Variants in NCALD observed in about 807,000 individuals in gnomAD.
NCALD encodes neurocalcin delta, also known as neurocalcin-delta.
A neutral mutation model predicts 18.6 loss-of-function variants in NCALD; 10 were observed. The ratio of observed to expected loss-of-function variants is 0.54; its 90% CI spans 0.33 to 0.91. The LOEUF (loss-of-function observed/expected upper bound fraction) is 0.91, where lower values mean the gene tolerates loss of function less well. Ranked by LOEUF, NCALD falls within the 40% of genes least tolerant of loss-of-function variation. The probability of loss-of-function intolerance (pLI) is 0.03; values close to 1 mark genes in which losing one functional copy is unlikely to be tolerated. For missense variants in NCALD, 184 were observed against 247.6 expected, an observed-to-expected ratio of 0.74 and a Z score of 1.72; for synonymous variants, 88 against 87.4, an observed-to-expected ratio of 1.01 and a Z score of -0.04.
At chr8:101,710,074 C>A (rs1815712681) in intron 2 of NCALD, among the ~76,000 whole-genome samples, 1 of 152,150 alleles carries the variant, frequency 6.6e-6, no homozygotes, top group Non-Finnish European at 1.5e-5. Context: ...ACTGAGGTAC[C>A]CAGTTCATCT....
At chr8:101,850,589 A>G (rs140967448) in intron 4 of NCALD, among the ~76,000 whole-genome samples, 2 of 152,228 alleles carry the variant, frequency 1.3e-5, no homozygotes, top group African/African-American at 4.8e-5. Context: ...CAATGATAAA[A>G]CCCCACAAAA....
chr8:101,918,767 C>CAT (rs1341780049), intron 2 of NCALD, among the ~76,000 whole-genome samples: 1 of 151,598 alleles, frequency 6.6e-6, no homozygotes, highest in African/African-American at 2.4e-5. Flanking sequence ...CACACACACA[C>CAT]ACACACAGAT....
chr8:101,766,770 G>T (rs1341953365), intron 1 of NCALD, among the ~76,000 whole-genome samples: 1 of 152,064 alleles, frequency 6.6e-6, no homozygotes, highest in African/African-American at 2.4e-5. Context: ...GTAGAAATAG[G>T]GTATCATCAT....
At chr8:101,868,993 C>G (rs1201779535) in intron 4 of NCALD, among the ~76,000 whole-genome samples, 3 of 152,210 alleles carry the variant, frequency 2.0e-5, no homozygotes, top group Non-Finnish European at 4.4e-5. Flanking sequence ...CTCCTAGGAC[C>G]TGTGTGAGCC....
chr8:101,972,826 G>C (rs1394058677), intron 2 of NCALD, among the ~76,000 whole-genome samples: 1 of 152,202 alleles, frequency 6.6e-6, no homozygotes, highest in African/African-American at 2.4e-5. Flanking sequence ...CACACTGAAA[G>C]ATTATGATCC....
intron 2 of NCALD, among the ~76,000 whole-genome samples, chr8:101,981,956 G>C (rs536282306): frequency 2.0e-5 from 3 of 152,076 alleles, no homozygotes; most frequent in Non-Finnish European, 4.4e-5. Flanking sequence ...TGAATGGCTT[G>C]GTTCCCTCCT....
intron 3 of NCALD, among the ~76,000 whole-genome samples, chr8:101,910,426 G>A (rs960123375): frequency 7.2e-6 from 1 of 139,194 alleles, no homozygotes; most frequent in Admixed American, 7.1e-5. Context: ...GGGACACAGG[G>A]CCCCAAGAAT....
rs533530255 is a variant in NCALD, at chr8:101,927,562, C to G, written c.-156-11704G>C. ...ATCTAAGCAGAGGGAACAGCCCGTG[C>G]AAAGGCCCAGAGATGGGAAAGGGTG... On this transcript the variant is annotated intron_variant, in intron 2 of 6. Transcript: ENST00000311028. Among the ~76,000 whole-genome samples, 12 of 152,258 alleles carry G rather than the reference C, an allele frequency of 7.9e-5. No homozygotes were observed. The East Asian group carries it at 9.7e-4, about 12-fold the overall frequency.
intron 1 of NCALD, among the ~76,000 whole-genome samples, chr8:102,119,214 T>C (rs561823730): frequency 6.6e-6 from 1 of 152,288 alleles, no homozygotes; most frequent in African/African-American, 2.4e-5. Flanking sequence ...GTGTGGTACA[T>C]ACATACAATG....
intron 3 of NCALD, among the ~76,000 whole-genome samples, chr8:101,899,005 C>T (rs946584445): frequency 6.6e-6 from 1 of 151,952 alleles, no homozygotes; most frequent in African/African-American, 2.4e-5. Context: ...TTGACTCTTC[C>T]AATCCACAAA....
At chr8:101,882,474 C>T in intron 4 of NCALD, among the ~76,000 whole-genome samples, 1 of 152,152 alleles carries the variant, frequency 6.6e-6, no homozygotes. Context: ...CTGCCAGCAC[C>T]TTAATCTTGG....
chr8:102,076,980 G>A (rs2132316566), intron 1 of NCALD, among the ~76,000 whole-genome samples: 1 of 152,238 alleles, frequency 6.6e-6, no homozygotes, highest in East Asian at 1.9e-4. Flanking sequence ...CTTGAGGCCA[G>A]AATGAAGCAA....
chr8:101,773,359 C>G (rs1176805192), intron 1 of NCALD, among the ~76,000 whole-genome samples: 1 of 152,170 alleles, frequency 6.6e-6, no homozygotes. Context: ...CAATCTAGCT[C>G]TACTACAGCT....
intron 2 of NCALD, among the ~76,000 whole-genome samples, chr8:101,927,505 G>A (rs1032149180): frequency 6.6e-6 from 1 of 152,176 alleles, no homozygotes; most frequent in African/African-American, 2.4e-5. Flanking sequence ...GGGTAAGGAG[G>A]AGCCAACCTC....
At chr8:101,781,267 T>A (rs1812002657) in intron 1 of NCALD, among the ~76,000 whole-genome samples, 1 of 152,200 alleles carries the variant, frequency 6.6e-6, no homozygotes, top group Non-Finnish European at 1.5e-5. Flanking sequence ...GGTACCACGT[T>A]GTCCCATTCA....
At chr8:101,825,927 A>T (rs1813919072) in intron 4 of NCALD, among the ~76,000 whole-genome samples, 1 of 152,230 alleles carries the variant, frequency 6.6e-6, no homozygotes, top group African/African-American at 2.4e-5. Flanking sequence ...TTTCGCCCAC[A>T]GGCCATAGTT....
At chr8:102,088,621 C>T (rs185019058) in intron 1 of NCALD, among the ~76,000 whole-genome samples, 4 of 151,808 alleles carry the variant, frequency 2.6e-5, no homozygotes, top group Admixed American at 2.0e-4. Context: ...GTAGATAGAT[C>T]TCCAGGAATT....
intron 4 of NCALD, among the ~76,000 whole-genome samples, chr8:101,876,424 G>A (rs994739929): frequency 6.6e-6 from 1 of 152,212 alleles, no homozygotes; most frequent in African/African-American, 2.4e-5. Flanking sequence ...CAGTATTATA[G>A]CAAGTTCCTG....
intron 4 of NCALD, among the ~76,000 whole-genome samples, chr8:101,870,902 C>A (rs1454099243): frequency 2.5e-5 from 2 of 79,126 alleles, no homozygotes; most frequent in Non-Finnish European, 4.7e-5. Flanking sequence ...CCCCCACCCC[C>A]CCCCCCCAAA....
Sources: allele counts gnomAD v4.1 joint callset (sites outside exome capture counted in the v4.1 genomes callset), GRCh38; gene constraint gnomAD v4.1.1; transcripts MANE v1.5; gene names NCBI Gene and HGNC (gene_info 2026-07-23, HGNC 2026-07-21).